SHISA6: variants seen among roughly 807,000 people sequenced by gnomAD.
SHISA6 encodes shisa family member 6.
A neutral mutation model predicts 47.9 loss-of-function variants in SHISA6; 22 were observed. That is an observed-to-expected ratio of 0.46 (90% confidence interval 0.33 to 0.66). SHISA6 has a LOEUF of 0.66. Ranked by LOEUF, SHISA6 falls within the 30% of genes least tolerant of loss-of-function variation. The pLI is 0.02. For synonymous variants in SHISA6, 388 were observed against 337.8 expected (o/e 1.15, Z -1.63); for missense variants, 680 against 764.6 (o/e 0.89, Z 1.30).
At chr17:11,507,276 T>C (rs1280177223) in intron 3 of SHISA6, among the ~76,000 whole-genome samples, 2 of 152,182 alleles carry the variant, frequency 1.3e-5, no homozygotes, top group African/African-American at 2.4e-5. Flanking sequence ...GAACAGAATG[T>C]CTATCTTTTC....
chr17:11,376,319 T>C (rs1364391387), intron 2 of SHISA6, among the ~76,000 whole-genome samples: 1 of 85,476 alleles, frequency 1.2e-5, no homozygotes, highest in Non-Finnish European at 2.1e-5. Context: ...ATGTTTTTTT[T>C]TGTTTGTTTT....
chr17:11,529,192 CA>C (rs569617394), intron 3 of SHISA6, among the ~76,000 whole-genome samples: 23 of 140,040 alleles, frequency 1.6e-4, no homozygotes, highest in Admixed American at 2.2e-4. Flanking sequence ...GACTCCATCT[CA>C]AAAAAAAAAA....
At chr17:11,322,061 T>G (rs1325222460) in intron 2 of SHISA6, among the ~76,000 whole-genome samples, 1 of 152,144 alleles carries the variant, frequency 6.6e-6, no homozygotes, top group Non-Finnish European at 1.5e-5. Context: ...GCTCTAGGGA[T>G]TATGTCTCTT....
chr17:11,463,509 T>C (rs1915740913), intron 3 of SHISA6, among the ~76,000 whole-genome samples: 1 of 152,248 alleles, frequency 6.6e-6, no homozygotes, highest in Non-Finnish European at 1.5e-5. Context: ...TCCCACCCTC[T>C]GTTAGTTAAA....
intron 2 of SHISA6, among the ~76,000 whole-genome samples, chr17:11,271,690 CCTCAGGTGAT>C (rs1908672723): frequency 6.7e-6 from 1 of 149,028 alleles, no homozygotes; most frequent in Admixed American, 6.7e-5. Flanking sequence ...TAACTCCTGA[CCTCAGGTGAT>C]CTGCCTGCTT....
At chr17:11,300,603 C>CA (rs1457397839) in intron 2 of SHISA6, among the ~76,000 whole-genome samples, 1 of 151,844 alleles carries the variant, frequency 6.6e-6, no homozygotes, top group African/African-American at 2.4e-5. Flanking sequence ...TGAGTTGTGG[C>CA]AAGCCTGTGT....
intron 2 of SHISA6, among the ~76,000 whole-genome samples, chr17:11,313,021 C>T (rs1479600914): frequency 6.6e-6 from 1 of 152,124 alleles, no homozygotes; most frequent in Non-Finnish European, 1.5e-5. Flanking sequence ...AAATTCCCAC[C>T]ATGGGCAACT....
intron 3 of SHISA6, among the ~76,000 whole-genome samples, chr17:11,451,539 A>T (rs777873877): frequency 7.8e-4 from 119 of 152,178 alleles, no homozygotes; most frequent in Non-Finnish European, 1.5e-3. Flanking sequence ...ATCAAACAGG[A>T]TAGTGTGATA....
At chr17:11,294,599 CT>C (rs1354854618) in intron 2 of SHISA6, among the ~76,000 whole-genome samples, 1 of 152,100 alleles carries the variant, frequency 6.6e-6, no homozygotes, top group African/African-American at 2.4e-5. Flanking sequence ...TTTTTCATAG[CT>C]TTATTTTTCT....
intron 2 of SHISA6, among the ~76,000 whole-genome samples, chr17:11,270,518 A>C (rs1275865527): frequency 4.6e-5 from 7 of 152,142 alleles, no homozygotes; most frequent in Non-Finnish European, 8.8e-5. Context: ...CTTAAATAGG[A>C]GTTGGCAAAC....
intron 3 of SHISA6, among the ~76,000 whole-genome samples, chr17:11,388,804 A>T (rs1202389836): frequency 1.3e-5 from 1 of 79,322 alleles, no homozygotes; most frequent in African/African-American, 6.0e-5. Flanking sequence ...ATATATATAT[A>T]TATATATATA....
At chr17:11,483,421 A>T (rs1463801787) in intron 3 of SHISA6, among the ~76,000 whole-genome samples, 5 of 152,194 alleles carry the variant, frequency 3.3e-5, no homozygotes. Context: ...TAAAACACAG[A>T]CTTTCACAGT....
At chr17:11,503,354 C>T (rs919001219) in intron 3 of SHISA6, among the ~76,000 whole-genome samples, 11 of 149,260 alleles carry the variant, frequency 7.4e-5, no homozygotes, top group South Asian at 4.2e-4. Flanking sequence ...GGCTCCCCTT[C>T]GGTCATTTGC....
At chr17:11,421,986 G>A (rs1463403785) in intron 3 of SHISA6, among the ~76,000 whole-genome samples, 1 of 152,176 alleles carries the variant, frequency 6.6e-6, no homozygotes, top group East Asian at 1.9e-4. Flanking sequence ...CCATCTGAGG[G>A]GAGGAGGGGA....
At chr17:11,552,425 T>C (rs192314705) in intron 4 of SHISA6, among the ~76,000 whole-genome samples, 2 of 152,290 alleles carry the variant, frequency 1.3e-5, no homozygotes, top group East Asian at 3.9e-4. Context: ...GGCTGAAAAT[T>C]GTTGAGTGGA....
chr17:11,388,858 A>AG (rs2142253864), intron 3 of SHISA6, among the ~76,000 whole-genome samples: 1 of 138,820 alleles, frequency 7.2e-6, no homozygotes, highest in East Asian at 2.1e-4. Flanking sequence ...AAAGGTAAAA[A>AG]AAAAAAACCT....
intron 3 of SHISA6, among the ~76,000 whole-genome samples, chr17:11,472,358 G>A (rs1252947472): frequency 6.6e-6 from 1 of 151,992 alleles, no homozygotes; most frequent in East Asian, 1.9e-4. Flanking sequence ...CACCACACCT[G>A]GCTAATTTTC....
intron 2 of SHISA6, among the ~76,000 whole-genome samples, chr17:11,340,298 G>T (rs1183007837): frequency 6.6e-6 from 1 of 152,192 alleles, no homozygotes; most frequent in Admixed American, 6.5e-5. Flanking sequence ...TGGCCTAGAT[G>T]ATTCTTCTGC....
Position 11,564,030 on chromosome 17 carries a change from T to A in SHISA6, c.*5726T>A, listed in dbSNP as rs1054036887. The A allele has an allele frequency of 4.6e-5, 7 of 152,236 alleles. No individual in the cohort carries two copies. The highest frequency in any genetic ancestry group is 1.4e-4 in the African/African-American group (6 of 41,466). 9.4% of individuals were successfully genotyped at this position (152,236 alleles called of 1,614,324 possible). A position where few individuals can be genotyped will look rare whatever the true frequency, so the allele number is the denominator to read the frequency against. ...TTCCACTTTTGTCAGTAACAGATAT[T>A]TATGGATTAAAAAATAAAGCCGTTT... On this transcript the variant is annotated 3_prime_UTR_variant, in exon 6 of 6. Coordinates refer to ENST00000441885, the MANE Select transcript of SHISA6 (RefSeq NM_207386.4).
Sources: allele counts gnomAD v4.1 joint callset (sites outside exome capture counted in the v4.1 genomes callset), GRCh38; gene constraint gnomAD v4.1.1; transcripts MANE v1.5; gene names NCBI Gene and HGNC (gene_info 2026-07-23, HGNC 2026-07-21).